PHIP: variants seen among roughly 807,000 people sequenced by gnomAD.
PHIP encodes the protein PHIP subunit of CUL4-Ring ligase complex.
Under a neutral mutation model 236.8 loss-of-function variants are expected in PHIP, and 54 were observed. The ratio of observed to expected loss-of-function variants is 0.23; its 90% confidence interval spans 0.18 to 0.29. The LOEUF (loss-of-function observed/expected upper bound fraction) is 0.29, where lower values mean the gene tolerates loss of function less well. PHIP is among the 10% of genes least tolerant of loss of function. The pLI is 1.00. For synonymous variants in PHIP, 756 were observed against 718.9 expected (o/e 1.05, Z -0.83); for missense variants, 1,370 against 2,190.8 (o/e 0.63, Z 7.48).
chr6:78,986,650 A>G (rs1308518001), intron 21 of PHIP, among the ~76,000 whole-genome samples: 1 of 152,210 alleles, frequency 6.6e-6, no homozygotes, highest in Non-Finnish European at 1.5e-5. Flanking sequence ...TGCTGGGCAT[A>G]TTCAGATAAC....
intron 4 of PHIP, among the ~76,000 whole-genome samples, chr6:79,072,054 A>T (rs1182558207): frequency 6.6e-6 from 1 of 152,206 alleles, no homozygotes; most frequent in Non-Finnish European, 1.5e-5. Context: ...TCTTTCTTGA[A>T]TTCTGTTTAA....
At chr6:79,073,140 T>G (rs557600450) in intron 4 of PHIP, among the ~76,000 whole-genome samples, 1 of 152,286 alleles carries the variant, frequency 6.6e-6, no homozygotes, top group South Asian at 2.1e-4. Flanking sequence ...TACAACTATT[T>G]AAGAATATTA....
In PHIP at chr6:79,025,616, A is replaced by T; in HGVS notation, c.826T>A (p.Ser276Thr). 6.4e-7 allele frequency: 1 copy of T among 1,568,922 alleles called. No homozygotes were observed. The highest frequency in any genetic ancestry group is 8.7e-7 in the Non-Finnish European group (1 of 1,143,370). ...HSASITSLQF[S>T]PLCSGSKRYL... ...CTCTTTGAGCCACTGCACAATGGTGAGAACTGAAAAGACAATCACAGAAAA... is the reference window on the plus strand; with the variant it reads ...CTCTTTGAGCCACTGCACAATGGTGTGAACTGAAAAGACAATCACAGAAAA... Residue 276 changes from serine (S) to threonine (T), a missense_variant, in exon 9 of 40, where the codon TCA (serine) becomes ACA (threonine). By Grantham distance (58) the Ser-to-Thr change is moderately conservative. Coordinates refer to ENST00000275034, the MANE Select transcript of PHIP (RefSeq NM_017934.7).
intron 7 of PHIP, among the ~76,000 whole-genome samples, chr6:79,035,312 A>C (rs1562196841): frequency 6.6e-6 from 1 of 152,168 alleles, no homozygotes; most frequent in South Asian, 2.1e-4. Context: ...TTTCTCAAAA[A>C]CCCAGTGTCA....
chr6:79,001,523 T>A (rs1350094452), intron 17 of PHIP, among the ~76,000 whole-genome samples: 1 of 152,114 alleles, frequency 6.6e-6, no homozygotes, highest in Non-Finnish European at 1.5e-5. Flanking sequence ...ACCCATTCCA[T>A]GAAAGCAAGG....
chr6:78,946,923 C>G (rs773570561), intron 36 of PHIP, 49 bp from the exon 37 acceptor site: 1 of 1,183,866 alleles, frequency 8.4e-7, no homozygotes, highest in South Asian at 1.4e-5. Flanking sequence ...AGGAAAATAC[C>G]TTTGTTCAGT....
At position 78,978,528 on chromosome 6, in the gene PHIP, G is replaced by C. The variant is rs888928870; in HGVS notation, c.2889+64C>G. ...TCTATTTTCCAGAAGTCTATTTCAAGAGCTGTTAAAAAATGTTTAAAACTA... is the reference window on the plus strand; with the variant it reads ...TCTATTTTCCAGAAGTCTATTTCAACAGCTGTTAAAAAATGTTTAAAACTA... On this transcript the variant is annotated intron_variant, in intron 24 of 39. Transcript: ENST00000275034. 4 of 1,321,632 alleles carry C rather than the reference G, an allele frequency of 3.0e-6. No individual in the cohort carries two copies. In the African/African-American group the frequency reaches 5.8e-5, roughly 19 times the overall value. The allele number at this position is 1,321,632 out of a possible 1,614,324, so 81.9% of individuals were successfully genotyped here.
At chr6:79,056,960 A>G (rs1226182814) in intron 6 of PHIP, among the ~76,000 whole-genome samples, 2 of 152,200 alleles carry the variant, frequency 1.3e-5, no homozygotes, top group Non-Finnish European at 2.9e-5. Flanking sequence ...GGCAATGATA[A>G]TGGAGAACAA....
rs1582073935 is a variant in PHIP, at chr6:78,942,120, C to T, written c.4829-790G>A. Among the ~76,000 whole-genome samples, 3 of 152,272 alleles carry T rather than the reference C, an allele frequency of 2.0e-5. No individual in the cohort carries two copies. In the South Asian group the frequency reaches 6.2e-4, roughly 32 times the overall value. ...TGAGGAAATTCATAGATGGAAACTG[C>T]TTTTAAAGAGAATACATCTTCATAA... On this transcript the variant is annotated intron_variant, in intron 39 of 39. Coordinates refer to ENST00000275034, the MANE Select transcript of PHIP (RefSeq NM_017934.7).
At chr6:79,017,318 T>C in intron 12 of PHIP, 28 bp downstream of exon 12, 1 of 1,322,300 alleles carries the variant, frequency 7.6e-7, no homozygotes, top group Admixed American at 2.2e-5. Context: ...AATTTTAAAA[T>C]TAGAATTAAA....
chr6:78,938,438 CA>C lies in PHIP; in HGVS notation c.*2254del, dbSNP rs766171134. 30 of 151,578 alleles carry C rather than the reference CA, an allele frequency of 2.0e-4. No homozygotes were observed. Among genetic ancestry groups the C allele is most frequent in the Non-Finnish European group, 4.0e-4 (27 of 67,612 alleles). The allele number at this position is 151,578 out of a possible 1,614,324, so 9.4% of individuals were successfully genotyped here. ...TTTCTGTACACAACTTAAAACTGTACATTTTTTTTACAAAAATTGATTTTAT... is the reference window on the plus strand; with the variant it reads ...TTTCTGTACACAACTTAAAACTGTACTTTTTTTTACAAAAATTGATTTTAT... On this transcript the variant is annotated 3_prime_UTR_variant, in exon 40 of 40. Coordinates refer to ENST00000275034, the MANE Select transcript of PHIP (RefSeq NM_017934.7).
At chr6:79,074,739 G>A (rs1040973546) in intron 4 of PHIP, among the ~76,000 whole-genome samples, 6 of 151,958 alleles carry the variant, frequency 3.9e-5, no homozygotes, top group Non-Finnish European at 8.8e-5. Context: ...TGAAATGAAC[G>A]CATCAATTTT....
rs773033278 is a variant in PHIP at position 78,988,234 on chromosome 6, A to C, written c.2435T>G (p.Ile812Arg). Residue 812 changes from isoleucine (I) to arginine (R), a missense_variant, in exon 21 of 40, where the codon ATA (isoleucine) becomes AGA (arginine). Coordinates refer to ENST00000275034, the MANE Select transcript of PHIP (RefSeq NM_017934.7). Reference protein sequence around the residue: ...LEETPRPSEEIENGSSSSDEG... With the variant: ...LEETPRPSEERENGSSSSDEG... ...ATCTGAAGAACTACTGCCATTTTCTATCTCTTCTGAGGGTCTAGGAGTCTC... is the reference window on the plus strand; with the variant it reads ...ATCTGAAGAACTACTGCCATTTTCTCTCTCTTCTGAGGGTCTAGGAGTCTC... The C allele has an allele frequency of 1.3e-6, 2 of 1,586,496 alleles. No individual in the cohort carries two copies. The highest frequency in any genetic ancestry group is 2.3e-5 in the East Asian group (1 of 43,822).
intron 6 of PHIP, among the ~76,000 whole-genome samples, chr6:79,060,219 C>T (rs1239281043): frequency 6.6e-6 from 1 of 151,860 alleles, no homozygotes; most frequent in African/African-American, 2.4e-5. Context: ...TAATATATAC[C>T]TTAATATGGA....
chr6:78,999,290 T>G (rs1467892630), intron 17 of PHIP, among the ~76,000 whole-genome samples: 1 of 152,144 alleles, frequency 6.6e-6, no homozygotes, highest in Non-Finnish European at 1.5e-5. Flanking sequence ...ATTCCCACTA[T>G]AAAGATAAAC....
At chr6:78,992,826 T>C (rs1367649685) in intron 19 of PHIP, among the ~76,000 whole-genome samples, 1 of 152,162 alleles carries the variant, frequency 6.6e-6, no homozygotes, top group African/African-American at 2.4e-5. Context: ...ATATTAAAGT[T>C]AGGCCAATTA....
At chr6:79,005,142 GA>G (rs1451244873) in intron 15 of PHIP, among the ~76,000 whole-genome samples, 4 of 151,770 alleles carry the variant, frequency 2.6e-5, no homozygotes, top group Non-Finnish European at 4.4e-5. Flanking sequence ...ATAAAACTAG[GA>G]AAATTATCTA....
intron 16 of PHIP, among the ~76,000 whole-genome samples, chr6:79,003,132 C>CAT (rs1770093773): frequency 1.3e-5 from 2 of 152,024 alleles, no homozygotes; most frequent in African/African-American, 4.8e-5. Flanking sequence ...AGTGGCAGGG[C>CAT]ATATGCCTGT....
In PHIP at chr6:79,077,880, T is replaced by A; in HGVS notation, c.74A>T (p.Asp25Val). ...LYFLIARFLE[D>V]GPCQQAAQVL... The stretch of plus-strand genomic sequence containing the variant: ...CTGAGCCGCCTGCTGACAGGGTCCA[T>A]CTTCCAGGAACCGGGCGATGAGGAA... Residue 25 changes from aspartate (D) to valine (V), a missense_variant, in exon 2 of 40, where the codon GAT (aspartate) becomes GTT (valine). Coordinates refer to ENST00000275034, the MANE Select transcript of PHIP (RefSeq NM_017934.7). 1 of 1,580,322 alleles carries A rather than the reference T, an allele frequency of 6.3e-7. No individual in the cohort carries two copies. Among genetic ancestry groups the A allele is most frequent in the Non-Finnish European group, 8.6e-7 (1 of 1,165,404 alleles).
Sources: gnomAD v4.1 joint callset for allele counts (sites outside exome capture counted in the v4.1 genomes callset) on GRCh38, gnomAD v4.1.1 for gene constraint, MANE v1.5 for transcripts, NCBI Gene and HGNC (gene_info 2026-07-23, HGNC 2026-07-21) for gene names.